TMPRSS6: variants seen among roughly 807,000 people sequenced by gnomAD.
The protein encoded by TMPRSS6 is transmembrane protease serine 6.
In TMPRSS6, 67 loss-of-function variants were observed where a neutral mutation model predicts 101.5. The observed-to-expected ratio is 0.66, with a 90% CI of 0.54 to 0.81. The LOEUF (loss-of-function observed/expected upper bound fraction) is 0.81. Ranked by LOEUF, TMPRSS6 falls within the 30% of genes least tolerant of loss-of-function variation. The pLI is 0.00. For synonymous variants in TMPRSS6, 453 were observed against 464.9 expected (o/e 0.97, Z 0.33); for missense variants, 1,034 against 1,088.7 (o/e 0.95, Z 0.71).
chr22:37,099,209 G>A (rs996077873), intron 2 of TMPRSS6, among the ~76,000 whole-genome samples: 1 of 152,234 alleles, frequency 6.6e-6, no homozygotes, highest in Non-Finnish European at 1.5e-5. Context: ...AAATTGGTAA[G>A]AGAAGAGGGA....
At position 37,073,581 on chromosome 22, in the gene TMPRSS6, A is replaced by G. The variant is rs780917252; in HGVS notation, c.1506T>C (p.Asp502=). 1 of 1,614,124 alleles carries G rather than the reference A, an allele frequency of 6.2e-7. No homozygotes were observed. Among genetic ancestry groups the G allele is most frequent in the Admixed American group, 1.7e-5 (1 of 60,026 alleles). Residue 502 remains aspartate, a synonymous_variant, in exon 13 of 18, where the codon GAT becomes GAC. Coordinates refer to ENST00000676104, the MANE Select transcript of TMPRSS6 (RefSeq NM_001374504.1). Reference sequence around the variant, plus strand: ...TGCCGTTGAGACAATCAGGCTGCCCATCACAGACCTTGGGCAGTGAGATGC... The same window carrying G: ...TGCCGTTGAGACAATCAGGCTGCCCGTCACAGACCTTGGGCAGTGAGATGC... ...STCISLPKVC[D]GQPDCLNGSD...
At chr22:37,093,894 G>T (rs1327538322) in intron 6 of TMPRSS6, among the ~76,000 whole-genome samples, 3 of 151,874 alleles carry the variant, frequency 2.0e-5, no homozygotes, top group Non-Finnish European at 4.4e-5. Context: ...ATGGTGGCAG[G>T]CACCTGTAGT....
chr22:37,067,015 C>T (rs1320360079), intron 16 of TMPRSS6, 53 bp from the exon 17 acceptor site: 1 of 1,612,054 alleles, frequency 6.2e-7, no homozygotes, highest in Non-Finnish European at 8.5e-7. Flanking sequence ...AGCCCCTGTT[C>T]TCTATTCTCC....
At chr22:37,079,807 G>A (rs149991559) in intron 10 of TMPRSS6, among the ~76,000 whole-genome samples, 1 of 152,382 alleles carries the variant, frequency 6.6e-6, no homozygotes, top group East Asian at 1.9e-4. Context: ...GCTCATGGAG[G>A]AAGCAGCTTG....
Position 37,096,696 on chromosome 22 carries a change from C to A in TMPRSS6, c.356G>T (p.Ser119Ile), listed in dbSNP as rs999653067. 2 of 1,565,580 alleles carry A rather than the reference C, an allele frequency of 1.3e-6. No homozygotes were observed. The highest frequency in any genetic ancestry group is 2.7e-5 in the African/African-American group (2 of 74,138). ...GTTGTAGTAAGTTCCCAGGCGGGTGCTGGTGATGAGCTCCTTGAGCTGTGA... is the reference window on the plus strand; with the variant it reads ...GTTGTAGTAAGTTCCCAGGCGGGTGATGGTGATGAGCTCCTTGAGCTGTGA... ...AQKMLKELIT[S>I]TRLGTYYNSS... The change falls in exon 4 of 18, where the codon AGC (serine) becomes ATC (isoleucine). Residue 119 changes from serine (S) to isoleucine (I), a missense_variant. Coordinates refer to ENST00000676104, the MANE Select transcript of TMPRSS6 (RefSeq NM_001374504.1).
At chr22:37,089,547 C>CCACCA in intron 7 of TMPRSS6, 31 bp downstream of exon 7, 2 of 1,397,442 alleles carry the variant, frequency 1.4e-6, no homozygotes, top group South Asian at 1.2e-5. Flanking sequence ...TTTTCCAGCC[C>CCACCA]TCCCTCCTGC....
chr22:37,109,903 A>G (rs1930962258), upstream of TMPRSS6, among the ~76,000 whole-genome samples: 2 of 151,990 alleles, frequency 1.3e-5, no homozygotes, highest in South Asian at 4.2e-4. Context: ...TGAGGTAGGG[A>G]CAGCCAAGGA....
At chr22:37,084,007 G>T in intron 10 of TMPRSS6, 1 of 563,528 alleles carries the variant, frequency 1.8e-6, no homozygotes. Context: ...CACCCAAGAA[G>T]ATGAGACAAT....
At chr22:37,096,866 G>A in intron 3 of TMPRSS6, 151 bp from the exon 4 acceptor site, 3 of 777,172 alleles carry the variant, frequency 3.9e-6, no homozygotes, top group South Asian at 1.5e-5. Flanking sequence ...ACACAGTGCT[G>A]AGTGGCCGGG....
chr22:37,085,022 C>T (rs566942298), intron 8 of TMPRSS6, among the ~76,000 whole-genome samples, 183 bp from the exon 9 acceptor site: 2 of 152,290 alleles, frequency 1.3e-5, no homozygotes, highest in Admixed American at 6.5e-5. Context: ...TAGCACACAC[C>T]TCATAGGGTA....
chr22:37,076,659 G>A (rs757657715), intron 10 of TMPRSS6, among the ~76,000 whole-genome samples: 1 of 152,180 alleles, frequency 6.6e-6, no homozygotes, highest in Non-Finnish European at 1.5e-5. Context: ...ACTCCCCCAG[G>A]ACAGTGGGAC....
chr22:37,081,109 G>A (rs1051631128), intron 10 of TMPRSS6, among the ~76,000 whole-genome samples: 2 of 152,214 alleles, frequency 1.3e-5, no homozygotes, highest in Non-Finnish European at 2.9e-5. Context: ...GGCAGTACAG[G>A]CACCTGCTTC....
In TMPRSS6 at chr22:37,103,110, A is replaced by G. The variant is rs1930459776; in HGVS notation, c.202+106T>C. 1 of 1,223,928 alleles carries G rather than the reference A, an allele frequency of 8.2e-7. No homozygotes were observed. Among genetic ancestry groups the G allele is most frequent in the Admixed American group, 1.9e-5 (1 of 53,808 alleles). The allele number at this position is 1,223,928 out of a possible 1,614,324, so 75.8% of individuals were successfully genotyped here. On this transcript the variant is annotated intron_variant, in intron 2 of 17. Transcript: ENST00000676104. The surrounding 1 kb of genome is among the most constrained non-coding windows in gnomAD (Gnocchi z 4.4). Reference sequence around the variant, plus strand: ...GACTTGCCCAAGGTCACACAGCAATATGCTAAGCACGGCTGAGCCTGGAAC... The same window carrying G: ...GACTTGCCCAAGGTCACACAGCAATGTGCTAAGCACGGCTGAGCCTGGAAC...
rs1319110732 is a variant in TMPRSS6, at chr22:37,103,206, A to G, written c.202+10T>C. ...CCAGGTGCCTCTCCCAGGCGGTCCC[A>G]CAACGTTACCTAGGAAATACCAGAG... On this transcript the variant is annotated intron_variant, in intron 2 of 17. Coordinates refer to ENST00000676104, the MANE Select transcript of TMPRSS6 (RefSeq NM_001374504.1). This position sits in a 1 kb window ranked among gnomAD's most constrained non-coding sequence, Gnocchi z 4.4. 6.2e-7 allele frequency: 1 copy of G among 1,613,764 alleles called. No individual in the cohort carries two copies.
At chr22:37,068,479 CA>C (rs1926542176) in intron 16 of TMPRSS6, 1 of 658,644 alleles carries the variant, frequency 1.5e-6, no homozygotes, top group Non-Finnish European at 2.8e-6. Context: ...CGGTGGCCGC[CA>C]GGGACTCTGG....
upstream of TMPRSS6, among the ~76,000 whole-genome samples, chr22:37,109,931 G>C (rs537223626): frequency 5.9e-5 from 9 of 152,192 alleles, no homozygotes; most frequent in East Asian, 7.7e-4. Context: ...CTGTGCAGAG[G>C]CCGGTGCAGG....
intron 8 of TMPRSS6, among the ~76,000 whole-genome samples, chr22:37,085,214 G>A (rs915096430): frequency 1.3e-5 from 2 of 152,148 alleles, no homozygotes; most frequent in African/African-American, 4.8e-5. Context: ...CCAAGATGAG[G>A]TTCGGAGAAA....
intron 10 of TMPRSS6, among the ~76,000 whole-genome samples, chr22:37,077,587 T>C (rs1355166702): frequency 2.0e-5 from 3 of 152,208 alleles, no homozygotes; most frequent in African/African-American, 7.2e-5. Flanking sequence ...TCGGGACTGA[T>C]TGAACTCGGA....
At chr22:37,072,231 GATGA>G (rs1927034942) in intron 13 of TMPRSS6, among the ~76,000 whole-genome samples, 1 of 70,156 alleles carries the variant, frequency 1.4e-5, no homozygotes, top group Non-Finnish European at 2.7e-5. Context: ...TGGATGGATG[GATGA>G]TGGATGGATG....
Sources: allele counts gnomAD v4.1 joint callset (sites outside exome capture counted in the v4.1 genomes callset), GRCh38; gene constraint gnomAD v4.1.1; non-coding constraint Gnocchi (gnomAD v3.1); transcripts MANE v1.5; gene names NCBI Gene and HGNC (gene_info 2026-07-23, HGNC 2026-07-21).